Variants in TMEM154 observed in about 807,000 individuals in gnomAD.
TMEM154 encodes transmembrane protein 154.
A neutral mutation model predicts 24.5 loss-of-function variants in TMEM154; 27 were observed. The observed-to-expected ratio is 1.10, with a 90% CI of 0.81 to 1.52. TMEM154 has a LOEUF of 1.52. Among genes scored for constraint, TMEM154 ranks in the 40% most tolerant of loss-of-function variants. The pLI is 0.00. For synonymous variants in TMEM154, 67 were observed against 76.8 expected (o/e 0.87, Z 0.67); for missense variants, 228 against 213.4 (o/e 1.07, Z -0.43).
At chr4:152,647,003 T>A (rs1167034976) in intron 3 of TMEM154, 1 of 717,470 alleles carries the variant, frequency 1.4e-6, no homozygotes, top group Non-Finnish European at 2.5e-6. Flanking sequence ...CTAGGAAGAA[T>A]GAGAGCAGAA....
rs1235331232 is a variant in TMEM154 at position 152,626,767 on chromosome 4, T to C, written c.*1779A>G. ...ATACCTAAAGAGAGAAAGGGGCAAA[T>C]GGAGGCTCTTCTGAGAGTCAAAATG... On this transcript the variant is annotated 3_prime_UTR_variant, in exon 7 of 7. Transcript: ENST00000304385. 2.0e-5 allele frequency: 3 copies of C among 152,136 alleles called. No homozygotes were observed. Among genetic ancestry groups the C allele is most frequent in the African/African-American group, 7.2e-5 (3 of 41,428 alleles). 9.4% of individuals were successfully genotyped at this position (152,136 alleles called of 1,614,324 possible).
chr4:152,648,797 G>A (rs773661905), intron 3 of TMEM154, among the ~76,000 whole-genome samples: 2 of 152,208 alleles, frequency 1.3e-5, no homozygotes, highest in Admixed American at 6.5e-5. Context: ...CACCATGTGA[G>A]TGGATACCTC....
At chr4:152,646,257 T>C (rs1728227035) in intron 3 of TMEM154, among the ~76,000 whole-genome samples, 1 of 152,106 alleles carries the variant, frequency 6.6e-6, no homozygotes, top group Non-Finnish European at 1.5e-5. Flanking sequence ...GAGCAAAAGC[T>C]AGCCTGCAAG....
chr4:152,649,991 T>C (rs1728341935), intron 3 of TMEM154, among the ~76,000 whole-genome samples: 1 of 152,250 alleles, frequency 6.6e-6, no homozygotes, highest in African/African-American at 2.4e-5. Flanking sequence ...AAATACTTCA[T>C]TGCTAGAAAA....
chr4:152,659,855 A>C (rs908490278), intron 1 of TMEM154, among the ~76,000 whole-genome samples: 22 of 152,238 alleles, frequency 1.4e-4, no homozygotes, highest in African/African-American at 5.3e-4. Flanking sequence ...ATAATTAGGC[A>C]CAGTAAGCAA....
At chr4:152,678,859 G>C (rs1729004975) in intron 1 of TMEM154, among the ~76,000 whole-genome samples, 1 of 152,212 alleles carries the variant, frequency 6.6e-6, no homozygotes, top group African/African-American at 2.4e-5. Flanking sequence ...AACACCCAGG[G>C]GAAGAGAAAT....
At chr4:152,648,668 T>G (rs1212252930) in intron 3 of TMEM154, among the ~76,000 whole-genome samples, 1 of 152,222 alleles carries the variant, frequency 6.6e-6, no homozygotes, top group Non-Finnish European at 1.5e-5. Flanking sequence ...GAGTGGAGGA[T>G]GCATGGACCA....
intron 5 of TMEM154, among the ~76,000 whole-genome samples, chr4:152,642,345 G>A (rs1197884532): frequency 6.6e-6 from 1 of 151,918 alleles, no homozygotes. Context: ...TGATAATGCT[G>A]GGTTTTATTC....
chr4:152,677,239 C>T (rs996793646), intron 1 of TMEM154, among the ~76,000 whole-genome samples: 2 of 152,206 alleles, frequency 1.3e-5, no homozygotes, highest in Non-Finnish European at 1.5e-5. Flanking sequence ...AATTCTATGT[C>T]AGGCTATCTA....
intron 1 of TMEM154, among the ~76,000 whole-genome samples, chr4:152,672,071 TAC>T (rs1267824371): frequency 1.7e-5 from 2 of 116,950 alleles, no homozygotes; most frequent in Admixed American, 1.0e-4. Flanking sequence ...CTGAGCAACA[TAC>T]AGAGACCCTA....
chr4:152,629,662 T>C lies in TMEM154; in HGVS notation c.537-1101A>G, dbSNP rs75317105. The stretch of plus-strand genomic sequence containing the variant: ...GCTTCCAAGGGAGCTTGAATGATAA[T>C]GATCGACAGATCTGGTATCTCCCTC... On this transcript the variant is annotated intron_variant, in intron 6 of 6. Transcript: ENST00000304385. Among the ~76,000 whole-genome samples the C allele has an allele frequency of 9.6e-3, 1,468 of 152,324 alleles. 11 individuals are homozygous for C. Among genetic ancestry groups the C allele is most frequent in the Non-Finnish European group, 0.016 (1,093 of 68,020 alleles).
At position 152,679,874 on chromosome 4, in the gene TMEM154, G is replaced by A. The variant is rs780906698; in HGVS notation, c.60C>T (p.Gly20=). ...TAGGAAGTGGAGGCGGCTTACCCCG[G>A]CCGACGGGAACGAGCGCGATCACCA... ...FALVIALVPV[G]RGNYEELENS... The change falls in exon 1 of 7, where the codon GGC becomes GGT. Residue 20 remains glycine, a synonymous_variant. Coordinates refer to ENST00000304385, the MANE Select transcript of TMEM154 (RefSeq NM_152680.3). 1 of 1,608,526 alleles carries A rather than the reference G, an allele frequency of 6.2e-7. No homozygotes were observed. Among genetic ancestry groups the A allele is most frequent in the Non-Finnish European group, 8.5e-7 (1 of 1,178,096 alleles).
At chr4:152,644,516 A>C in intron 3 of TMEM154, 74 bp from the exon 4 acceptor site, 1 of 1,448,344 alleles carries the variant, frequency 6.9e-7, no homozygotes, top group South Asian at 1.1e-5. Context: ...ACAACAGCTG[A>C]AGTCTCCTTT....
chr4:152,671,702 C>G (rs371181745), intron 1 of TMEM154, among the ~76,000 whole-genome samples: 46 of 134,210 alleles, frequency 3.4e-4, no homozygotes, highest in African/African-American at 8.0e-4. Flanking sequence ...AGCCGAGATC[C>G]CGCCACTGCA....
intron 3 of TMEM154, among the ~76,000 whole-genome samples, chr4:152,652,336 G>A (rs367915726): frequency 5.3e-4 from 78 of 148,542 alleles, no homozygotes; most frequent in African/African-American, 1.6e-3. Context: ...CAAACAAGGC[G>A]TGCCTGTATT....
intron 1 of TMEM154, among the ~76,000 whole-genome samples, chr4:152,675,156 CAAA>C (rs368552348): frequency 2.4e-5 from 2 of 83,174 alleles, no homozygotes; most frequent in African/African-American, 5.7e-5. Flanking sequence ...GGCTCCATCT[CAAA>C]AAAAAAAAAA....
At chr4:152,640,655 A>G (rs527787491) in intron 6 of TMEM154, among the ~76,000 whole-genome samples, 1 of 152,366 alleles carries the variant, frequency 6.6e-6, no homozygotes, top group Non-Finnish European at 1.5e-5. Flanking sequence ...TGACTAAAAC[A>G]GAAGCTGAAG....
chr4:152,668,902 C>G (rs1007606441), intron 1 of TMEM154: 2 of 152,156 alleles, frequency 1.3e-5, no homozygotes. Context: ...AGCTAAGCCC[C>G]GAACAGATCC....
intron 6 of TMEM154, among the ~76,000 whole-genome samples, chr4:152,634,031 C>CAAAAAA (rs1167923301): frequency 2.9e-4 from 6 of 20,400 alleles, no homozygotes; most frequent in African/African-American, 3.2e-4. Flanking sequence ...GACCCCATCT[C>CAAAAAA]AAAAAAAAAA....
Sources: allele counts gnomAD v4.1 joint callset (sites outside exome capture counted in the v4.1 genomes callset), GRCh38; gene constraint gnomAD v4.1.1; transcripts MANE v1.5; gene names NCBI Gene and HGNC (gene_info 2026-07-23, HGNC 2026-07-21).